Variants in BANK1 observed in about 807,000 individuals in gnomAD.
BANK1 encodes B cell scaffold protein with ankyrin repeats 1, also known as B-cell scaffold protein with ankyrin repeats.
A neutral mutation model predicts 94.5 loss-of-function variants in BANK1; 95 were observed. The observed-to-expected ratio is 1.00, with a 90% CI of 0.85 to 1.19. The LOEUF is 1.19. Among genes scored for constraint, BANK1 ranks in the 50% most tolerant of loss-of-function variants. BANK1 has a pLI of 0.00. For missense variants in BANK1, 987 were observed against 932.2 expected (o/e 1.06, Z -0.77); for synonymous variants, 334 against 308.4 (o/e 1.08, Z -0.87).
intron 3 of BANK1, among the ~76,000 whole-genome samples, chr4:101,859,573 G>C (rs962755152): frequency 4.6e-5 from 7 of 152,080 alleles, no homozygotes; most frequent in African/African-American, 1.7e-4. Context: ...CTTCGTAAGT[G>C]GTAAAACTAA....
intron 1 of BANK1, among the ~76,000 whole-genome samples, chr4:101,822,617 CT>C (rs35179391): frequency 0.1 from 14,114 of 139,488 alleles, 726 homozygotes; most frequent in Admixed American, 0.2. Context: ...GGAATCAATA[CT>C]TTTTTTTTTT....
Position 101,958,582 on chromosome 4 carries a change from A to T in BANK1, c.1206+40393A>T, listed in dbSNP as rs576776571. 3.3e-5 allele frequency among the ~76,000 whole-genome samples: 5 copies of T among 151,928 alleles called. No individual in the cohort carries two copies. In the South Asian group the frequency reaches 1.0e-3, roughly 32 times the overall value. On this transcript the variant is annotated intron_variant, in intron 7 of 16. Transcript: ENST00000322953. ...CAAAGGACTACTTTTCTATTCAAAG[A>T]CATACTTCATCATTTCCTTAAAACA...
intron 6 of BANK1, among the ~76,000 whole-genome samples, chr4:101,912,173 C>T (rs1032331389): frequency 1.3e-5 from 2 of 152,124 alleles, no homozygotes; most frequent in East Asian, 1.9e-4. Flanking sequence ...GATCCTCAAA[C>T]GTCTGAAATT....
chr4:102,056,166 C>T (rs1728221615), intron 11 of BANK1, among the ~76,000 whole-genome samples: 1 of 152,174 alleles, frequency 6.6e-6, no homozygotes, highest in Non-Finnish European at 1.5e-5. Context: ...AACACTCCCT[C>T]ATCCTACTGG....
intron 10 of BANK1, among the ~76,000 whole-genome samples, chr4:102,040,902 G>T (rs1727681217): frequency 6.6e-6 from 1 of 152,016 alleles, no homozygotes; most frequent in Non-Finnish European, 1.5e-5. Context: ...AGGGTGTTGG[G>T]GAGAAAGAGG....
chr4:102,010,111 A>AAAAC (rs1726442386), intron 7 of BANK1, among the ~76,000 whole-genome samples: 2 of 151,792 alleles, frequency 1.3e-5, no homozygotes, highest in Admixed American at 6.6e-5. Context: ...TAAAAATACA[A>AAAAC]AAAATTAGCC....
intron 7 of BANK1, among the ~76,000 whole-genome samples, chr4:101,969,167 G>A (rs950806227): frequency 6.6e-6 from 1 of 152,036 alleles, no homozygotes; most frequent in Non-Finnish European, 1.5e-5. Context: ...ACAGAGAACA[G>A]GGTCAGACCA....
At chr4:101,993,063 GCA>G (rs2148932834) in intron 7 of BANK1, among the ~76,000 whole-genome samples, 1 of 152,212 alleles carries the variant, frequency 6.6e-6, no homozygotes, top group South Asian at 2.1e-4. Flanking sequence ...ACTCTTAACG[GCA>G]CAGTTGGCTC....
intron 3 of BANK1, among the ~76,000 whole-genome samples, chr4:101,858,822 C>T (rs1002360356): frequency 1.3e-5 from 2 of 152,188 alleles, no homozygotes; most frequent in African/African-American, 2.4e-5. Context: ...AATCCTACCA[C>T]ATACCATATT....
chr4:101,944,661 A>C (rs1180516031), intron 7 of BANK1, among the ~76,000 whole-genome samples: 21 of 151,994 alleles, frequency 1.4e-4, no homozygotes, highest in Admixed American at 1.4e-3. Flanking sequence ...AAGGACATAC[A>C]CACTTATGGA....
chr4:101,918,086 C>A lies in BANK1; in HGVS notation c.1103C>A (p.Ala368Glu). The A allele has an allele frequency of 6.2e-7, 1 of 1,612,012 alleles. No homozygotes were observed. The highest frequency in any genetic ancestry group is 1.1e-5 in the South Asian group (1 of 90,924). Residue 368 changes from alanine (A) to glutamate (E), a missense_variant, in exon 7 of 17, where the codon GCA becomes GAA. Ala to Glu is a moderately radical substitution (Grantham distance 107). Transcript: ENST00000322953. ...LAIHLLQCSGATWASKMKNME... is the reference protein window; with the variant it reads ...LAIHLLQCSGETWASKMKNME... ...ATTCATTTGCTTCAATGTTCAGGAG[C>A]AACCTGGGCATCTAAGATGAAAAAT...
chr4:101,824,431 G>T (rs1046580248), intron 1 of BANK1, among the ~76,000 whole-genome samples: 3 of 152,174 alleles, frequency 2.0e-5, no homozygotes, highest in Non-Finnish European at 2.9e-5. Flanking sequence ...TGAATAAGTG[G>T]AATTAGCCAC....
intron 6 of BANK1, among the ~76,000 whole-genome samples, chr4:101,915,186 G>A (rs139742691): frequency 2.0e-5 from 3 of 152,228 alleles, no homozygotes; most frequent in African/African-American, 4.8e-5. Context: ...AACCGATTGA[G>A]TAGATGTTAT....
In BANK1 at chr4:102,025,247, G is replaced by C; in HGVS notation, c.1332G>C (p.Gly444=). The change falls in exon 9 of 17, where the codon GGG becomes GGC. Residue 444 remains glycine, a synonymous_variant. Coordinates refer to ENST00000322953, the MANE Select transcript of BANK1 (RefSeq NM_017935.5). The part of the protein sequence containing the change: ...AFHHESRKTY[G]QSADGAEANE... The stretch of plus-strand genomic sequence containing the variant: ...ATCATGAAAGCAGGAAGACATACGG[G>C]CAGAGTGCAGATGGAGCTGAGGCAA... 6.2e-7 allele frequency: 1 copy of C among 1,614,108 alleles called. No homozygotes were observed. Among genetic ancestry groups the C allele is most frequent in the African/African-American group, 1.3e-5 (1 of 75,006 alleles).
chr4:102,005,665 A>G (rs995354559), intron 7 of BANK1, among the ~76,000 whole-genome samples: 14 of 152,084 alleles, frequency 9.2e-5, no homozygotes, highest in African/African-American at 3.4e-4. Flanking sequence ...ATTATGATAG[A>G]AAATATTTAT....
chr4:101,982,081 T>A (rs1428133038), intron 7 of BANK1: 1 of 152,144 alleles, frequency 6.6e-6, no homozygotes, highest in Non-Finnish European at 1.5e-5. Flanking sequence ...GTGCTCTTCC[T>A]CCCTGGGTCT....
chr4:102,011,952 T>C (rs1294413225), intron 7 of BANK1, among the ~76,000 whole-genome samples: 6 of 152,140 alleles, frequency 3.9e-5, no homozygotes, highest in Non-Finnish European at 7.4e-5. Context: ...TGATAACTGA[T>C]ATGAATGGAA....
At chr4:101,946,378 A>T (rs1005762047) in intron 7 of BANK1, among the ~76,000 whole-genome samples, 3 of 151,978 alleles carry the variant, frequency 2.0e-5, no homozygotes, top group African/African-American at 7.2e-5. Flanking sequence ...ATCTGTTGTT[A>T]TATTACTTAA....
intron 7 of BANK1, among the ~76,000 whole-genome samples, chr4:102,018,476 G>A (rs1047553837): frequency 2.0e-5 from 3 of 152,106 alleles, no homozygotes; most frequent in African/African-American, 4.8e-5. Flanking sequence ...TCACTTCCTC[G>A]AAATCAGAAT....
Sources: allele counts gnomAD v4.1 joint callset (sites outside exome capture counted in the v4.1 genomes callset), GRCh38; gene constraint gnomAD v4.1.1; transcripts MANE v1.5; gene names NCBI Gene and HGNC (gene_info 2026-07-23, HGNC 2026-07-21).